Variants in ANKRD24 observed in about 807,000 individuals in gnomAD.
The protein encoded by ANKRD24 is ankyrin repeat domain 24.
ANKRD24 carries 109 observed loss-of-function variants against 127.8 expected under a neutral mutation model. The observed-to-expected ratio is 0.85, with a 90% CI of 0.73 to 1.00. ANKRD24 has a LOEUF of 1.00. Ranked by LOEUF, ANKRD24 falls within the 50% of genes least tolerant of loss-of-function variation. ANKRD24 has a pLI of 0.00. For missense variants in ANKRD24, 1,648 were observed against 1,570.2 expected (o/e 1.05, Z -0.84); for synonymous variants, 743 against 671.1 (o/e 1.11, Z -1.66).
chr19:4,188,352 C>T (rs1968184384), intron 2 of ANKRD24, among the ~76,000 whole-genome samples: 1 of 145,926 alleles, frequency 6.9e-6, no homozygotes, highest in Non-Finnish European at 1.5e-5. Flanking sequence ...GCTGGGATTA[C>T]AGGCATGAGC....
At chr19:4,213,055 C>T (rs560747126) in intron 15 of ANKRD24, among the ~76,000 whole-genome samples, 5 of 152,108 alleles carry the variant, frequency 3.3e-5, no homozygotes, top group Non-Finnish European at 5.9e-5. Flanking sequence ...CACTTGAACC[C>T]GGGAGGCGTA....
At position 4,219,730 on chromosome 19, in the gene ANKRD24, T is replaced by C; in HGVS notation, c.3143T>C (p.Leu1048Pro). The change falls in exon 19 of 22, where the codon CTG becomes CCG. Residue 1048 changes from leucine (L) to proline (P), a missense_variant. Leu to Pro is a moderately conservative substitution (Grantham distance 98). Transcript: ENST00000318934. ...GCCCAGAGCCGGGCCCAGGAGGCTC[T>C]GGACAAGGCCAAGGAGAAGGACAAG... ...RQAQSRAQEA[L>P]DKAKEKDKKI... The C allele has an allele frequency of 1.2e-6, 2 of 1,612,090 alleles. No individual in the cohort carries two copies. The highest frequency in any genetic ancestry group is 1.7e-6 in the Non-Finnish European group (2 of 1,179,104).
Position 4,199,537 on chromosome 19 carries a change from T to C in ANKRD24, c.37-146T>C, listed in dbSNP as rs1018519184. On this transcript the variant is annotated intron_variant, in intron 2 of 21. Transcript: ENST00000318934. This position sits in a 1 kb window ranked among gnomAD's most constrained non-coding sequence, Gnocchi z 5.2. ...CAGGGGACAACGTTTTGGAAATAGA[T>C]GCCAGGGGGCTGCTCAGGGGATGAT... The C allele has an allele frequency of 3.5e-6, 5 of 1,420,414 alleles. No individual in the cohort carries two copies. In the African/African-American group the frequency reaches 5.8e-5, roughly 16 times the overall value. The allele number at this position is 1,420,414 out of a possible 1,614,324, so 88.0% of individuals were successfully genotyped here.
chr19:4,207,919 C>T lies in ANKRD24; in HGVS notation c.783C>T (p.Leu261=), dbSNP rs1464144182. 4.5e-6 allele frequency: 7 copies of T among 1,550,072 alleles called. No homozygotes were observed. The highest frequency in any genetic ancestry group is 2.3e-5 in the East Asian group (1 of 43,384). Residue 261 remains leucine, a synonymous_variant, in exon 10 of 22, where the codon CTC becomes CTT. Coordinates refer to ENST00000318934, the MANE Select transcript of ANKRD24 (RefSeq NM_001393985.1). ...AHYGALAGDK[L]ILHLLQEAAQ... Reference sequence around the variant, plus strand: ...ATGGCGCCCTGGCGGGGGACAAACTCATCCTGCACCTTCTGCAAGAGGCGG... The same window carrying T: ...ATGGCGCCCTGGCGGGGGACAAACTTATCCTGCACCTTCTGCAAGAGGCGG...
chr19:4,221,277 A>G (rs1034590946), intron 19 of ANKRD24, among the ~76,000 whole-genome samples: 2 of 151,770 alleles, frequency 1.3e-5, no homozygotes, highest in Admixed American at 6.6e-5. Context: ...GGGTTTCACC[A>G]TGTTGGCCAG....
rs1237670841 is a variant in ANKRD24, at chr19:4,217,190, C to T, written c.2030C>T (p.Ser677Phe). 1 of 1,610,142 alleles carries T rather than the reference C, an allele frequency of 6.2e-7. No individual in the cohort carries two copies. Among genetic ancestry groups the T allele is most frequent in the Non-Finnish European group, 8.5e-7 (1 of 1,177,688 alleles). The change falls in exon 18 of 22, where the codon TCT (serine) becomes TTT (phenylalanine). Residue 677 changes from serine to phenylalanine, a missense_variant. Transcript: ENST00000318934. ...ACCACAAACATGGAGGCCACGGGCT[C>T]TAGGGCCACAGGGATGGAATCCACA... ...TGTTNMEATG[S>F]RATGMESTGV... is the part of the protein sequence containing the mutation.
chr19:4,194,367 G>A (rs1352198764), intron 2 of ANKRD24, among the ~76,000 whole-genome samples: 1 of 152,126 alleles, frequency 6.6e-6, no homozygotes, highest in African/African-American at 2.4e-5. Flanking sequence ...TGGCCAGGCT[G>A]GTCTTGAACT....
Position 4,207,526 on chromosome 19 carries a change from C to T in ANKRD24, c.563C>T (p.Ala188Val). The T allele has an allele frequency of 6.2e-7, 1 of 1,613,950 alleles. No individual in the cohort carries two copies. Among genetic ancestry groups the T allele is most frequent in the Non-Finnish European group, 8.5e-7 (1 of 1,179,882 alleles). The change falls in exon 9 of 22, where the codon GCA (alanine) becomes GTA (valine). Residue 188 changes from alanine (A) to valine (V), a missense_variant. Ala to Val is a moderately conservative substitution (Grantham distance 64). Transcript: ENST00000318934. ...DRSGATPLII[A>V]AQMCHTDLCR... ...TCAGGCGCAACACCCCTCATTATAG[C>T]AGCTCAGATGTGTCACACAGACCTG...
At position 4,216,913 on chromosome 19, in the gene ANKRD24, G is replaced by GGCCACGGGAGCTGAGGCCACGGGAGCCA. The variant is rs1555718872; in HGVS notation, c.1753_1754insGCCACGGGAGCTGAGGCCACGGGAGCCA (p.Glu585GlyfsTer5). 2.7e-5 allele frequency: 44 copies of GGCCACGGGAGCTGAGGCCACGGGAGCCA among 1,609,810 alleles called. No individual in the cohort carries two copies. Among genetic ancestry groups the GGCCACGGGAGCTGAGGCCACGGGAGCCA allele is most frequent in the Admixed American group, 2.0e-4 (12 of 59,006 alleles). ...TATGGAAGCTGAGGCCACGGGAGCC[G>GGCCACGGGAGCTGAGGCCACGGGAGCCA]AGGCCACGGGAGCTGAGGCCACAGG... On this transcript the variant is annotated stop_gained and frameshift_variant, in exon 18 of 22. Coordinates refer to ENST00000318934, the MANE Select transcript of ANKRD24 (RefSeq NM_001393985.1). LOFTEE classifies it high-confidence loss of function.
intron 19 of ANKRD24, among the ~76,000 whole-genome samples, chr19:4,220,392 C>T (rs1713881890): frequency 6.6e-6 from 1 of 152,146 alleles, no homozygotes; most frequent in Non-Finnish European, 1.5e-5. Context: ...GAAACAGAAG[C>T]ACAGAGAGGT....
intron 19 of ANKRD24, among the ~76,000 whole-genome samples, chr19:4,221,196 C>G (rs987795686): frequency 2.6e-5 from 4 of 151,962 alleles, no homozygotes; most frequent in Non-Finnish European, 5.9e-5. Flanking sequence ...TCCTGCCTAG[C>G]CTCCCGAGTA....
chr19:4,219,540 C>T (rs1475463457), intron 18 of ANKRD24, 51 bp from the exon 19 acceptor site: 127 of 1,543,746 alleles, frequency 8.2e-5, no homozygotes, highest in Non-Finnish European at 1.1e-4. Flanking sequence ...TGGGGTCTAG[C>T]ATCATTGGAG....
At position 4,199,826 on chromosome 19, in the gene ANKRD24, G is replaced by T. The variant is rs765832909; in HGVS notation, c.124-49G>T. On this transcript the variant is annotated intron_variant, in intron 3 of 21. Transcript: ENST00000318934. This position sits in a 1 kb window ranked among gnomAD's most constrained non-coding sequence, Gnocchi z 5.2. Reference sequence around the variant, plus strand: ...GGAGCCCCTGTCGGGGGCGTGGGGAGGGGACAGCAGCCAACACTGCCCCAC... The same window carrying T: ...GGAGCCCCTGTCGGGGGCGTGGGGATGGGACAGCAGCCAACACTGCCCCAC... 2 of 1,537,866 alleles carry T rather than the reference G, an allele frequency of 1.3e-6. No individual in the cohort carries two copies. The highest frequency in any genetic ancestry group is 8.8e-7 in the Non-Finnish European group (1 of 1,139,196).
intron 7 of ANKRD24, among the ~76,000 whole-genome samples, chr19:4,205,709 G>T (rs537687984): frequency 1.1e-4 from 16 of 151,892 alleles, no homozygotes; most frequent in Non-Finnish European, 2.2e-4. Flanking sequence ...TTAGCCAGGC[G>T]TGATGGCTCA....
chr19:4,210,051 T>G lies in ANKRD24; in HGVS notation c.871-7T>G. On this transcript the variant is annotated splice_polypyrimidine_tract_variant and splice_region_variant and intron_variant, in intron 11 of 21. Coordinates refer to ENST00000318934, the MANE Select transcript of ANKRD24 (RefSeq NM_001393985.1). Reference sequence around the variant, plus strand: ...CCCCCTTCACTCTCTCTCCCCTCCCTTCCCAGAACTCTATGTCCAGCCATG... The same window carrying G: ...CCCCCTTCACTCTCTCTCCCCTCCCGTCCCAGAACTCTATGTCCAGCCATG... 1 of 1,605,478 alleles carries G rather than the reference T, an allele frequency of 6.2e-7. No individual in the cohort carries two copies. The highest frequency in any genetic ancestry group is 8.5e-7 in the Non-Finnish European group (1 of 1,175,434).
rs201520760 is a variant in ANKRD24, at chr19:4,200,022, C to T, written c.254+17C>T. 5.7e-4 allele frequency: 893 copies of T among 1,563,710 alleles called. 8 individuals are homozygous for T. Among genetic ancestry groups the T allele is most frequent in the Middle Eastern group, 1.3e-3 (8 of 5,990 alleles). On this transcript the variant is annotated intron_variant, in intron 4 of 21. Coordinates refer to ENST00000318934, the MANE Select transcript of ANKRD24 (RefSeq NM_001393985.1). ...CAAGTCCGCGTGAGTGCCCGCGACC[C>T]GGGAGTGAGATGGCTGAGGGGTGGC...
intron 20 of ANKRD24, 71 bp downstream of exon 20, chr19:4,222,866 C>G (rs1305145147): frequency 1.6e-5 from 23 of 1,470,824 alleles, no homozygotes; most frequent in Non-Finnish European, 2.0e-5. Context: ...CCAATCAGCA[C>G]AGCGCAGGTG....
At chr19:4,209,116 G>GTT in intron 11 of ANKRD24, 1 of 252,392 alleles carries the variant, frequency 4.0e-6, no homozygotes, top group Non-Finnish European at 7.6e-6. Flanking sequence ...GTTTTTTTGT[G>GTT]TTTTTTTTCC....
In ANKRD24 at chr19:4,224,171, C is replaced by A; in HGVS notation, c.3342C>A (p.Ser1114Arg). 1 of 1,612,170 alleles carries A rather than the reference C, an allele frequency of 6.2e-7. No homozygotes were observed. The change falls in exon 21 of 22, where the codon AGC becomes AGA. Residue 1114 changes from serine (S) to arginine (R), a missense_variant. By Grantham distance (110) the Ser-to-Arg change is moderately radical (BLOSUM62 -1). Transcript: ENST00000318934. ...DHSSVVALYR[S>R]HLLYAIQGQM... is the part of the protein sequence containing the mutation. ...CCAGCGTGGTGGCTTTGTACAGAAG[C>A]CACCTCCTATATGCCATTCAGGTGA...
Sources: gnomAD v4.1 joint callset for allele counts (sites outside exome capture counted in the v4.1 genomes callset) on GRCh38, gnomAD v4.1.1 for gene constraint, Gnocchi (gnomAD v3.1) non-coding constraint, MANE v1.5 for transcripts, NCBI Gene and HGNC (gene_info 2026-07-23, HGNC 2026-07-21) for gene names.